The following RNF111 variants were observed in gnomAD, a reference collection of about 807,000 sequenced individuals.
RNF111 encodes E3 ubiquitin-protein ligase Arkadia.
RNF111 carries 17 observed loss-of-function variants against 95.1 expected under a neutral mutation model. The ratio of observed to expected loss-of-function variants is 0.18; its 90% CI spans 0.12 to 0.27. The LOEUF is 0.27. RNF111 is among the 10% of genes least tolerant of loss of function. The pLI is 1.00. For synonymous variants in RNF111, 440 were observed against 414.8 expected (o/e 1.06, Z -0.74); for missense variants, 1,189 against 1,210.4 (o/e 0.98, Z 0.26).
intron 1 of RNF111, among the ~76,000 whole-genome samples, chr15:58,998,067 G>T (rs2039161286): frequency 6.6e-6 from 1 of 151,440 alleles, no homozygotes; most frequent in African/African-American, 2.4e-5. Context: ...ACCACACCCG[G>T]CTAATTTTTG....
chr15:58,994,262 C>A (rs1229848741), intron 1 of RNF111, among the ~76,000 whole-genome samples: 1 of 151,738 alleles, frequency 6.6e-6, no homozygotes, highest in African/African-American at 2.4e-5. Flanking sequence ...TGGTCTCGAA[C>A]TCCTGACCTC....
intron 2 of RNF111, among the ~76,000 whole-genome samples, chr15:59,032,563 A>G (rs1449965544): frequency 6.6e-6 from 1 of 152,124 alleles, no homozygotes; most frequent in Non-Finnish European, 1.5e-5. Flanking sequence ...CTGGGACTAC[A>G]GGCCCACACC....
chr15:58,987,960 C>T lies in RNF111; in HGVS notation c.-128C>T, dbSNP rs2038638032. The T allele has an allele frequency of 6.6e-6, 1 of 152,508 alleles. No homozygotes were observed. The highest frequency in any genetic ancestry group is 2.4e-5 in the African/African-American group (1 of 41,452). The allele number at this position is 152,508 out of a possible 1,614,324, so 9.4% of individuals were successfully genotyped here. A position where few individuals can be genotyped will look rare whatever the true frequency, so the allele number is the denominator to read the frequency against. Reference sequence around the variant, plus strand: ...GCCTATTAGGCCGACGTCTGAGGCGCAGATCGCTGGCTCTCGACGCATTAC... The same window carrying T: ...GCCTATTAGGCCGACGTCTGAGGCGTAGATCGCTGGCTCTCGACGCATTAC... On this transcript the variant is annotated 5_prime_UTR_variant, in exon 1 of 14. Coordinates refer to ENST00000348370, the MANE Select transcript of RNF111 (RefSeq NM_017610.8).
At chr15:59,016,501 T>G (rs186339334) in intron 1 of RNF111, among the ~76,000 whole-genome samples, 16 of 152,196 alleles carry the variant, frequency 1.1e-4, no homozygotes, top group African/African-American at 3.6e-4. Flanking sequence ...GTATTTTCTC[T>G]CTCTGCCCAC....
At chr15:58,996,546 A>C (rs1189510882) in intron 1 of RNF111, among the ~76,000 whole-genome samples, 1 of 151,594 alleles carries the variant, frequency 6.6e-6, no homozygotes, top group Non-Finnish European at 1.5e-5. Flanking sequence ...ATGCCACTGT[A>C]CTCCAGCCTG....
intron 1 of RNF111, among the ~76,000 whole-genome samples, chr15:58,991,943 G>A (rs1284303372): frequency 6.6e-6 from 1 of 152,188 alleles, no homozygotes; most frequent in Non-Finnish European, 1.5e-5. Flanking sequence ...AACTTTGTTA[G>A]GGATGATAAT....
At chr15:59,001,730 CA>C (rs1384016446) in intron 1 of RNF111, among the ~76,000 whole-genome samples, 2 of 152,136 alleles carry the variant, frequency 1.3e-5, no homozygotes, top group Non-Finnish European at 2.9e-5. Flanking sequence ...AGAACACCTA[CA>C]AAACATACAT....
chr15:58,999,370 C>G (rs1333063509), intron 1 of RNF111, among the ~76,000 whole-genome samples: 1 of 152,226 alleles, frequency 6.6e-6, no homozygotes, highest in African/African-American at 2.4e-5. Context: ...CGGAGTCACA[C>G]TGTCACCCAG....
intron 6 of RNF111, 83 bp downstream of exon 6, chr15:59,067,166 C>T: frequency 8.8e-7 from 1 of 1,137,478 alleles, no homozygotes. Context: ...CTCTCTTCCT[C>T]TTCCTTCATT....
In RNF111 at chr15:59,000,708, C is replaced by CA. The variant is rs35056899; in HGVS notation, c.-20+12656dup. On this transcript the variant is annotated intron_variant, in intron 1 of 13. Coordinates refer to ENST00000348370, the MANE Select transcript of RNF111 (RefSeq NM_017610.8). ...TGGGTGACAGAGCTGAACTCCGTCT[C>CA]AAAAAAAAAAAAAAAAGATAACTGC... Among the ~76,000 whole-genome samples, 732 of 89,940 alleles carry CA rather than the reference C, an allele frequency of 8.1e-3. 3 individuals are homozygous for CA. The highest frequency in any genetic ancestry group is 0.015 in the African/African-American group (355 of 23,328). 59.0% of individuals were successfully genotyped at this position (89,940 alleles called of 152,430 possible). A position where few individuals can be genotyped will look rare whatever the true frequency, so the allele number is the denominator to read the frequency against.
At chr15:59,029,458 C>G (rs894663018) in intron 1 of RNF111, among the ~76,000 whole-genome samples, 7 of 152,152 alleles carry the variant, frequency 4.6e-5, no homozygotes, top group African/African-American at 1.7e-4. Context: ...ACTGCCTGTG[C>G]TTGTGAATAA....
rs183406253 is a variant in RNF111 at position 59,071,215 on chromosome 15, C to T, written c.1686+4132C>T. The stretch of plus-strand genomic sequence containing the variant: ...CGGGAGGCTGAGGCAGGAGAATGGG[C>T]CTGAACCCGGGAGGCGGAGCTTGCA... On this transcript the variant is annotated intron_variant, in intron 6 of 13. Transcript: ENST00000348370. Among the ~76,000 whole-genome samples the T allele has an allele frequency of 4.5e-3, 675 of 150,860 alleles. 6 individuals are homozygous for T. The highest frequency in any genetic ancestry group is 0.041 in the Middle Eastern group (12 of 292).
intron 2 of RNF111, among the ~76,000 whole-genome samples, chr15:59,039,477 A>C (rs550595599): frequency 2.9e-4 from 44 of 152,304 alleles, no homozygotes; most frequent in African/African-American, 9.6e-4. Context: ...ACTTTTGAGT[A>C]TCATTATGAA....
intron 1 of RNF111, among the ~76,000 whole-genome samples, chr15:59,019,455 GTCCTTGTTCA>G (rs1242242978): frequency 1.3e-5 from 2 of 152,232 alleles, no homozygotes; most frequent in Non-Finnish European, 2.9e-5. Context: ...CCAATTTGGA[GTCCTTGTTCA>G]TCCAGAAATG....
Position 59,031,106 on chromosome 15 carries a change from G to A in RNF111, c.284G>A (p.Arg95His), listed in dbSNP as rs368598719. 4 of 1,614,164 alleles carry A rather than the reference G, an allele frequency of 2.5e-6. No homozygotes were observed. Among genetic ancestry groups the A allele is most frequent in the East Asian group, 4.5e-5 (2 of 44,890 alleles). ...AAAAGTCTCGTTGTGAGGAAAAAAC[G>A]CAAAAGCCAGCAGGCTGGCCCTTCG... ...QEKSLVVRKK[R>H]KSQQAGPSYV... The change falls in exon 2 of 14, where the codon CGC becomes CAC. Residue 95 changes from arginine (R) to histidine (H), a missense_variant. Physicochemically the swap from Arg to His is conservative, Grantham distance 29. Coordinates refer to ENST00000348370, the MANE Select transcript of RNF111 (RefSeq NM_017610.8).
chr15:59,004,409 G>T (rs979456023), intron 1 of RNF111, among the ~76,000 whole-genome samples: 1 of 152,142 alleles, frequency 6.6e-6, no homozygotes, highest in Admixed American at 6.5e-5. Context: ...TAGGATTAAG[G>T]TTACTATTTT....
chr15:59,052,664 C>T (rs2042041289), intron 3 of RNF111, among the ~76,000 whole-genome samples: 1 of 144,564 alleles, frequency 6.9e-6, no homozygotes, highest in African/African-American at 2.6e-5. Flanking sequence ...TCTCCTGTCT[C>T]ATTCTCCATA....
At chr15:58,999,471 G>T (rs1298918611) in intron 1 of RNF111, among the ~76,000 whole-genome samples, 1 of 152,016 alleles carries the variant, frequency 6.6e-6, no homozygotes, top group East Asian at 1.9e-4. Context: ...GAGTAGCTGG[G>T]ATTACAGGCA....
At position 58,988,044 on chromosome 15, in the gene RNF111, G is replaced by A. The variant is rs1293929237; in HGVS notation, c.-44G>A. 6.7e-6 allele frequency: 1 copy of A among 148,944 alleles called. No individual in the cohort carries two copies. The highest frequency in any genetic ancestry group is 1.5e-5 in the Non-Finnish European group (1 of 67,346). The allele number at this position is 148,944 out of a possible 1,614,324, so 9.2% of individuals were successfully genotyped here. On this transcript the variant is annotated 5_prime_UTR_variant, in exon 1 of 14. Coordinates refer to ENST00000348370, the MANE Select transcript of RNF111 (RefSeq NM_017610.8). ...GGTCAGTGATTCCCGGACCCTGGAA[G>A]AGAAGAGGGTGGCTAATGATTAAGG...
Sources: allele counts gnomAD v4.1 joint callset (sites outside exome capture counted in the v4.1 genomes callset), GRCh38; gene constraint gnomAD v4.1.1; transcripts MANE v1.5; gene names NCBI Gene and HGNC (gene_info 2026-07-23, HGNC 2026-07-21).